SPTLC3: variants seen among roughly 807,000 people sequenced by gnomAD.
SPTLC3 encodes the protein serine palmitoyltransferase 3.
Under a neutral mutation model 59.3 loss-of-function variants are expected in SPTLC3, and 36 were observed. That is an observed-to-expected ratio of 0.61 (90% CI 0.47 to 0.80). The LOEUF (loss-of-function observed/expected upper bound fraction) is 0.80, where lower values mean the gene tolerates loss of function less well. Among genes scored for constraint, SPTLC3 ranks in the 30% least tolerant of loss-of-function variants. The probability of loss-of-function intolerance (pLI) is 0.00; values close to 1 mark genes in which losing one functional copy is unlikely to be tolerated. For missense variants in SPTLC3, 625 were observed against 685.1 expected (o/e 0.91, Z 0.98); for synonymous variants, 257 against 240.8 (o/e 1.07, Z -0.62).
intron 4 of SPTLC3, among the ~76,000 whole-genome samples, chr20:13,078,323 T>C (rs927796073): frequency 1.3e-5 from 2 of 150,730 alleles, no homozygotes; most frequent in Non-Finnish European, 3.0e-5. Context: ...AAAATAATAG[T>C]TCAATAAGGA....
chr20:13,134,388 G>A (rs1461307127), intron 9 of SPTLC3, among the ~76,000 whole-genome samples: 1 of 152,088 alleles, frequency 6.6e-6, no homozygotes, highest in Admixed American at 6.6e-5. Context: ...TACTCATTAT[G>A]CCTATCTGCT....
chr20:13,071,875 C>G (rs563444443), intron 2 of SPTLC3, among the ~76,000 whole-genome samples: 1 of 152,184 alleles, frequency 6.6e-6, no homozygotes, highest in Non-Finnish European at 1.5e-5. Context: ...TCTAATCACA[C>G]GGTGAGTGAT....
intron 6 of SPTLC3, among the ~76,000 whole-genome samples, chr20:13,102,527 CT>C (rs1259477182): frequency 2.0e-5 from 3 of 152,188 alleles, no homozygotes. Flanking sequence ...ACCTCCTTTC[CT>C]GGCCTTTTCT....
At chr20:13,076,020 C>T (rs1429819300) in intron 4 of SPTLC3, among the ~76,000 whole-genome samples, 1 of 152,128 alleles carries the variant, frequency 6.6e-6, no homozygotes, top group African/African-American at 2.4e-5. Flanking sequence ...TTCACTCAGC[C>T]CAAGTTCTTT....
chr20:13,101,887 G>C (rs1014240151), intron 6 of SPTLC3, among the ~76,000 whole-genome samples: 3 of 152,250 alleles, frequency 2.0e-5, no homozygotes, highest in Non-Finnish European at 4.4e-5. Flanking sequence ...CGAGACTGCA[G>C]GCAACCTCGG....
chr20:13,056,759 TAAGA>T (rs1475363809), intron 2 of SPTLC3, among the ~76,000 whole-genome samples: 5 of 144,296 alleles, frequency 3.5e-5, no homozygotes, highest in African/African-American at 1.3e-4. Context: ...TTTTTTTTTT[TAAGA>T]GAGAGTCTCA....
At chr20:13,039,017 GC>G (rs879459305) in intron 1 of SPTLC3, among the ~76,000 whole-genome samples, 5 of 151,962 alleles carry the variant, frequency 3.3e-5, no homozygotes, top group Non-Finnish European at 7.4e-5. Context: ...ATAATTTCAA[GC>G]TTTTTACATT....
intron 7 of SPTLC3, among the ~76,000 whole-genome samples, chr20:13,113,181 TCAA>T (rs200526071): frequency 6.6e-6 from 1 of 151,994 alleles, no homozygotes; most frequent in Non-Finnish European, 1.5e-5. Context: ...AGACTCTGTC[TCAA>T]CAACAACAAC....
intron 9 of SPTLC3, among the ~76,000 whole-genome samples, chr20:13,132,525 C>T (rs1051942602): frequency 2.0e-5 from 3 of 152,140 alleles, no homozygotes; most frequent in Non-Finnish European, 2.9e-5. Context: ...GTATATGTAT[C>T]TGCTTATTAT....
intron 4 of SPTLC3, among the ~76,000 whole-genome samples, chr20:13,084,800 A>G (rs1038734258): frequency 6.6e-5 from 10 of 152,228 alleles, no homozygotes; most frequent in Non-Finnish European, 1.5e-4. Context: ...TGAGGATTAA[A>G]TTAAGCAATC....
At chr20:13,136,280 A>G (rs1367337363) in intron 9 of SPTLC3, among the ~76,000 whole-genome samples, 2 of 152,168 alleles carry the variant, frequency 1.3e-5, no homozygotes, top group Non-Finnish European at 2.9e-5. Context: ...CTGGAAAACA[A>G]TAGCTATTTA....
At chr20:13,162,881 C>T (rs758691670) in intron 11 of SPTLC3, among the ~76,000 whole-genome samples, 2 of 152,102 alleles carry the variant, frequency 1.3e-5, no homozygotes, top group East Asian at 1.9e-4. Context: ...AAGATGCCCA[C>T]GGTTCTTCTG....
intron 2 of SPTLC3, among the ~76,000 whole-genome samples, chr20:13,065,247 G>C (rs138083355): frequency 4.9e-4 from 70 of 143,992 alleles, no homozygotes; most frequent in Non-Finnish European, 7.8e-4. Flanking sequence ...CTTTCACTGT[G>C]ATTGTAAATT....
intron 1 of SPTLC3, among the ~76,000 whole-genome samples, chr20:13,018,064 T>G (rs1985630584): frequency 1.3e-5 from 2 of 152,208 alleles, no homozygotes; most frequent in Non-Finnish European, 2.9e-5. Flanking sequence ...GTGATGTATC[T>G]TGGAAGTGAA....
rs111579736 is a variant in SPTLC3, at chr20:13,029,949, C to T, written c.118-18996C>T. ...TTCTACATGTGGCTGAATAGCAGTC[C>T]CTGTTTGGTCTAGCATCAGGGGACA... On this transcript the variant is annotated intron_variant, in intron 1 of 11. Coordinates refer to ENST00000399002, the MANE Select transcript of SPTLC3 (RefSeq NM_018327.4). 4.1e-4 allele frequency among the ~76,000 whole-genome samples: 63 copies of T among 152,190 alleles called. 1 individual carries two copies. Among genetic ancestry groups the T allele is most frequent in the African/African-American group, 1.5e-3 (62 of 41,526 alleles).
At position 13,088,492 on chromosome 20, in the gene SPTLC3, G is replaced by A. The variant is rs182417530; in HGVS notation, c.608-2591G>A. 8.5e-3 allele frequency among the ~76,000 whole-genome samples: 1,226 copies of A among 144,724 alleles called. 12 individuals are homozygous for A. The highest frequency in any genetic ancestry group is 0.03 in the African/African-American group (1,142 of 38,690). 94.9% of individuals were successfully genotyped at this position (144,724 alleles called of 152,430 possible). On this transcript the variant is annotated intron_variant, in intron 4 of 11. Transcript: ENST00000399002. ...TGGGACTACAGGCGCCCGCCACCAC[G>A]CCCAGCTAATTTTTCGTATTTTTAG...
intron 2 of SPTLC3, among the ~76,000 whole-genome samples, chr20:13,064,677 G>C (rs1988124179): frequency 6.6e-6 from 1 of 152,162 alleles, no homozygotes; most frequent in African/African-American, 2.4e-5. Flanking sequence ...CAAGTTTTTA[G>C]ATAATTCTTT....
chr20:13,159,873 C>T lies in SPTLC3; in HGVS notation c.1416-130C>T, dbSNP rs930598315. On this transcript the variant is annotated intron_variant, in intron 10 of 11. Transcript: ENST00000399002. ...GAAGTTTAAAAACTTCAATCATCTT[C>T]CACTTATTATCATAAAAAAGAAAAA... The T allele has an allele frequency of 5.6e-6, 7 of 1,246,618 alleles. No individual in the cohort carries two copies. The African/African-American group carries it at 1.1e-4, about 19-fold the overall frequency. 77.2% of individuals were successfully genotyped at this position (1,246,618 alleles called of 1,614,324 possible). A position where few individuals can be genotyped will look rare whatever the true frequency, so the allele number is the denominator to read the frequency against.
chr20:13,152,699 A>C (rs2038676382), intron 9 of SPTLC3, among the ~76,000 whole-genome samples: 1 of 152,192 alleles, frequency 6.6e-6, no homozygotes, highest in African/African-American at 2.4e-5. Flanking sequence ...ATTCCAACTG[A>C]TTAAGACTGG....
Sources: gnomAD v4.1 joint callset for allele counts (sites outside exome capture counted in the v4.1 genomes callset) on GRCh38, gnomAD v4.1.1 for gene constraint, MANE v1.5 for transcripts, NCBI Gene and HGNC (gene_info 2026-07-23, HGNC 2026-07-21) for gene names.